The following PTPRE variants were observed in gnomAD, a reference collection of about 807,000 sequenced individuals.
PTPRE encodes the protein protein tyrosine phosphatase receptor type E.
A neutral mutation model predicts 102.0 loss-of-function variants in PTPRE; 51 were observed. The observed-to-expected ratio is 0.50, with a 90% confidence interval of 0.40 to 0.63. The LOEUF (loss-of-function observed/expected upper bound fraction) is 0.63. Ranked by LOEUF, PTPRE falls within the 30% of genes least tolerant of loss-of-function variation. The probability of loss-of-function intolerance (pLI) is 0.00; values close to 1 mark genes in which losing one functional copy is unlikely to be tolerated. For synonymous variants in PTPRE, 345 were observed against 348.2 expected (o/e 0.99, Z 0.10); for missense variants, 752 against 915.1 (o/e 0.82, Z 2.30).
chr10:127,954,188 C>T (rs1031857401), intron 1 of PTPRE, among the ~76,000 whole-genome samples: 14 of 152,130 alleles, frequency 9.2e-5, no homozygotes, highest in African/African-American at 3.4e-4. Flanking sequence ...GTCATGGTGG[C>T]AGGGATGGAG....
chr10:128,045,250 G>A lies in PTPRE; in HGVS notation c.110-2140G>A, dbSNP rs1211427536. 2.6e-5 allele frequency among the ~76,000 whole-genome samples: 4 copies of A among 152,350 alleles called. No individual in the cohort carries two copies. The East Asian group carries it at 5.8e-4, about 22-fold the overall frequency. On this transcript the variant is annotated intron_variant, in intron 3 of 20. Coordinates refer to ENST00000254667, the MANE Select transcript of PTPRE (RefSeq NM_006504.6). ...TTCTGGGCTTGGGTGGTTCAGCCCCGTCTTCTATGGAAGTACCCATGTCTG... is the reference window on the plus strand; with the variant it reads ...TTCTGGGCTTGGGTGGTTCAGCCCCATCTTCTATGGAAGTACCCATGTCTG...
intron 2 of PTPRE, among the ~76,000 whole-genome samples, chr10:127,983,157 G>T (rs1006450318): frequency 2.0e-5 from 3 of 152,238 alleles, no homozygotes; most frequent in Non-Finnish European, 2.9e-5. Flanking sequence ...TTTTTAGGCA[G>T]GGTGCCCTTT....
At chr10:127,993,460 G>T (rs1004673969) in intron 2 of PTPRE, among the ~76,000 whole-genome samples, 7 of 152,170 alleles carry the variant, frequency 4.6e-5, no homozygotes, top group Admixed American at 2.6e-4. Context: ...AGACGGGGAT[G>T]GGGGGCCAGG....
chr10:128,030,405 G>A (rs1449898198), intron 2 of PTPRE, among the ~76,000 whole-genome samples: 1 of 152,174 alleles, frequency 6.6e-6, no homozygotes, highest in Non-Finnish European at 1.5e-5. Flanking sequence ...GGGAAAGAGA[G>A]AGAGAGAGAA....
At chr10:127,992,649 C>T (rs542611441) in intron 2 of PTPRE, among the ~76,000 whole-genome samples, 2 of 152,286 alleles carry the variant, frequency 1.3e-5, no homozygotes, top group South Asian at 2.1e-4. Context: ...TGGAGCCTCT[C>T]CTTTTGCTGA....
At chr10:128,068,646 C>T (rs958802017) in intron 12 of PTPRE, 6 of 170,322 alleles carry the variant, frequency 3.5e-5, no homozygotes, top group Non-Finnish European at 6.3e-5. Context: ...ACAGGAAGCC[C>T]CCCAACAACA....
At chr10:127,982,714 T>C (rs769858560) in intron 2 of PTPRE, among the ~76,000 whole-genome samples, 29 of 152,152 alleles carry the variant, frequency 1.9e-4, no homozygotes, top group Non-Finnish European at 4.1e-4. Flanking sequence ...GCTTCTTAAA[T>C]TGATCTGCTC....
At chr10:127,960,031 G>A (rs1849681372) in intron 1 of PTPRE, among the ~76,000 whole-genome samples, 1 of 152,218 alleles carries the variant, frequency 6.6e-6, no homozygotes, top group Non-Finnish European at 1.5e-5. Context: ...TAGGACAGAT[G>A]CAGATTATTA....
At chr10:127,998,271 C>T (rs997060890) in intron 2 of PTPRE, 1 of 152,178 alleles carries the variant, frequency 6.6e-6, no homozygotes, top group Non-Finnish European at 1.5e-5. Context: ...AACTTAACGT[C>T]ATCATCGAAG....
chr10:127,986,473 CT>C (rs1347363136), intron 2 of PTPRE, among the ~76,000 whole-genome samples: 3 of 152,204 alleles, frequency 2.0e-5, no homozygotes, highest in African/African-American at 7.2e-5. Flanking sequence ...TGTAACTTGA[CT>C]ATTTCACTTT....
chr10:127,961,911 G>A (rs1424244417), intron 1 of PTPRE, among the ~76,000 whole-genome samples: 2 of 152,180 alleles, frequency 1.3e-5, no homozygotes, highest in Non-Finnish European at 2.9e-5. Flanking sequence ...GTGGATAGAT[G>A]AGTGAGTGAA....
intron 2 of PTPRE, among the ~76,000 whole-genome samples, chr10:128,030,269 A>G (rs1310753767): frequency 6.6e-6 from 1 of 152,188 alleles, no homozygotes; most frequent in African/African-American, 2.4e-5. Context: ...CCCTTGCCTG[A>G]TGAGTTACAG....
chr10:128,067,826 G>C (rs905831243), intron 11 of PTPRE, among the ~76,000 whole-genome samples: 1 of 152,208 alleles, frequency 6.6e-6, no homozygotes, highest in Non-Finnish European at 1.5e-5. Context: ...CTGCTTGCAC[G>C]GGGGTCTGTG....
chr10:128,049,871 G>GAGACAA (rs200654084), intron 6 of PTPRE, among the ~76,000 whole-genome samples: 1,568 of 152,290 alleles, frequency 0.01, 11 homozygotes, highest in African/African-American at 0.036. Context: ...AGATGAGACA[G>GAGACAA]TTGAGTTAGA....
chr10:128,022,485 C>T (rs1288984908), intron 2 of PTPRE, among the ~76,000 whole-genome samples: 1 of 152,226 alleles, frequency 6.6e-6, no homozygotes, highest in Non-Finnish European at 1.5e-5. Flanking sequence ...GGCCCAGGGC[C>T]TGGCCTGCCC....
intron 1 of PTPRE, among the ~76,000 whole-genome samples, chr10:127,971,131 C>T (rs1850696757): frequency 6.6e-6 from 1 of 152,170 alleles, no homozygotes; most frequent in Non-Finnish European, 1.5e-5. Flanking sequence ...AAAGTTAGAT[C>T]GGGAGTCTCC....
intron 20 of PTPRE, 72 bp from the exon 21 acceptor site, chr10:128,082,760 G>C: frequency 6.8e-7 from 1 of 1,472,628 alleles, no homozygotes; most frequent in South Asian, 1.4e-5. Context: ...TCTTGTTTTT[G>C]AGTATTTCTC....
Position 128,069,695 on chromosome 10 carries a change from G to C in PTPRE, c.1011G>C (p.Ala337=). ...HAGPIVVHCS[A]GVGRTGTFIV... ...GCATCTTTCTCTTTCCCCAAAGCGCGGGCGTGGGCCGGACGGGCACCTTCA... is the reference window on the plus strand; with the variant it reads ...GCATCTTTCTCTTTCCCCAAAGCGCCGGCGTGGGCCGGACGGGCACCTTCA... Residue 337 remains alanine, a synonymous_variant, in exon 13 of 21, where the codon GCG becomes GCC. Transcript: ENST00000254667. 6.2e-7 allele frequency: 1 copy of C among 1,614,162 alleles called. No individual in the cohort carries two copies. The highest frequency in any genetic ancestry group is 1.1e-5 in the South Asian group (1 of 91,082).
chr10:127,975,260 G>A (rs1434185208), intron 1 of PTPRE, among the ~76,000 whole-genome samples: 1 of 152,194 alleles, frequency 6.6e-6, no homozygotes, highest in Non-Finnish European at 1.5e-5. Context: ...CCGACTTGAT[G>A]CTCTTCCTGT....
Sources: allele counts gnomAD v4.1 joint callset (sites outside exome capture counted in the v4.1 genomes callset), GRCh38; gene constraint gnomAD v4.1.1; transcripts MANE v1.5; gene names NCBI Gene and HGNC (gene_info 2026-07-23, HGNC 2026-07-21).